Variants in EYS observed in about 807,000 individuals in gnomAD.
The protein encoded by EYS is EGF-like photoreceptor maintenance factor.
A neutral mutation model predicts 282.1 loss-of-function variants in EYS; 250 were observed. The observed-to-expected ratio is 0.89, with a 90% CI of 0.80 to 0.98. EYS has a LOEUF of 0.98. Among genes scored for constraint, EYS ranks in the 50% least tolerant of loss-of-function variants. The pLI is 0.00. For synonymous variants in EYS, 1,355 were observed against 1,282.9 expected (o/e 1.06, Z -1.20); for missense variants, 4,016 against 3,709.0 (o/e 1.08, Z -2.15).
chr6:63,821,555 A>G (rs1771326573), intron 36 of EYS: 1 of 152,234 alleles, frequency 6.6e-6, no homozygotes, highest in African/African-American at 2.4e-5. Context: ...ATTGACTGCA[A>G]TGAAGGAGAA....
At chr6:63,726,762 T>C (rs1582146242) in intron 41 of EYS, 82 bp from the exon 42 acceptor site, 6 of 1,227,918 alleles carry the variant, frequency 4.9e-6, no homozygotes, top group East Asian at 2.6e-5. Context: ...AAACTGCTTA[T>C]GTAATTTTGT....
At chr6:64,368,063 A>C (rs1772238551) in intron 29 of EYS, among the ~76,000 whole-genome samples, 1 of 152,058 alleles carries the variant, frequency 6.6e-6, no homozygotes, top group Non-Finnish European at 1.5e-5. Context: ...CGTAGTATCC[A>C]ATAGGTAGTT....
At chr6:64,418,332 A>G (rs1774125243) in intron 28 of EYS, among the ~76,000 whole-genome samples, 1 of 152,216 alleles carries the variant, frequency 6.6e-6, no homozygotes, top group African/African-American at 2.4e-5. Flanking sequence ...TCAGAGTAAT[A>G]CTTTGGAAAA....
chr6:65,027,038 A>G (rs1772441932), intron 13 of EYS, among the ~76,000 whole-genome samples: 1 of 148,774 alleles, frequency 6.7e-6, no homozygotes, highest in African/African-American at 2.5e-5. Context: ...TTTTTTTGAC[A>G]GTGAGAAGCT....
intron 12 of EYS, among the ~76,000 whole-genome samples, chr6:65,295,126 G>GA (rs1219925654): frequency 6.6e-6 from 1 of 151,776 alleles, no homozygotes; most frequent in Non-Finnish European, 1.5e-5. Context: ...TAATAAAATG[G>GA]AAAATCCAAC....
chr6:64,604,769 CTT>C (rs1178875722), intron 24 of EYS, among the ~76,000 whole-genome samples: 2 of 151,952 alleles, frequency 1.3e-5, no homozygotes, highest in Non-Finnish European at 2.9e-5. Context: ...CTGAATCTCA[CTT>C]TTGTTTCTAG....
At chr6:63,905,913 A>G (rs1042309893) in intron 35 of EYS, among the ~76,000 whole-genome samples, 3 of 152,168 alleles carry the variant, frequency 2.0e-5, no homozygotes, top group Admixed American at 6.5e-5. Flanking sequence ...ACTAAGCTGG[A>G]TAATTGAAAT....
chr6:64,855,178 ATG>A (rs1214932910), intron 19 of EYS, among the ~76,000 whole-genome samples: 3 of 151,074 alleles, frequency 2.0e-5, no homozygotes, highest in Non-Finnish European at 3.0e-5. Context: ...GTGTATCTGT[ATG>A]TGTGTGTGTG....
chr6:65,350,287 A>T (rs1256916176), intron 9 of EYS, among the ~76,000 whole-genome samples: 3 of 151,610 alleles, frequency 2.0e-5, no homozygotes, highest in Admixed American at 2.0e-4. Context: ...CTTTGTTGAT[A>T]CAGCATTTCC....
At chr6:65,258,989 T>C (rs185935297) in intron 12 of EYS, among the ~76,000 whole-genome samples, 56 of 151,984 alleles carry the variant, frequency 3.7e-4, no homozygotes, top group African/African-American at 1.3e-3. Flanking sequence ...GAAGAAAAAA[T>C]AAATAAACTT....
chr6:65,584,439 C>A (rs1222388582), intron 2 of EYS, among the ~76,000 whole-genome samples: 1 of 151,976 alleles, frequency 6.6e-6, no homozygotes, highest in Non-Finnish European at 1.5e-5. Context: ...GTTTCTATAT[C>A]TGGGATTTCA....
intron 33 of EYS, among the ~76,000 whole-genome samples, chr6:64,013,499 C>A (rs1768744177): frequency 6.6e-6 from 1 of 152,144 alleles, no homozygotes; most frequent in African/African-American, 2.4e-5. Context: ...TGATGAGTGT[C>A]AATGGGATGC....
At chr6:64,744,225 A>G (rs1046230199) in intron 22 of EYS, among the ~76,000 whole-genome samples, 1 of 152,170 alleles carries the variant, frequency 6.6e-6, no homozygotes, top group Non-Finnish European at 1.5e-5. Flanking sequence ...TAGTTGGTAA[A>G]GAAATCAGAA....
At chr6:64,065,497 G>A (rs1460636025) in intron 33 of EYS, among the ~76,000 whole-genome samples, 1 of 152,112 alleles carries the variant, frequency 6.6e-6, no homozygotes, top group Non-Finnish European at 1.5e-5. Flanking sequence ...CTTTTCTGAT[G>A]TTTTATAATT....
chr6:65,323,334 G>A (rs867907862), intron 11 of EYS, among the ~76,000 whole-genome samples: 2 of 146,080 alleles, frequency 1.4e-5, no homozygotes, highest in East Asian at 4.1e-4. Flanking sequence ...ATAAAAGCTG[G>A]CACATATTTA....
chr6:65,144,603 C>CA (rs562551216), intron 12 of EYS, among the ~76,000 whole-genome samples: 1 of 152,022 alleles, frequency 6.6e-6, no homozygotes, highest in Admixed American at 6.6e-5. Flanking sequence ...CAAACTTTTA[C>CA]AAAAAACTCT....
chr6:65,417,406 C>A (rs1032141552), intron 5 of EYS, among the ~76,000 whole-genome samples: 2 of 151,960 alleles, frequency 1.3e-5, no homozygotes, highest in Non-Finnish European at 2.9e-5. Flanking sequence ...ACTGACTTTG[C>A]TAAGTTTCTA....
At chr6:65,135,270 A>C (rs1273376721) in intron 12 of EYS, among the ~76,000 whole-genome samples, 1 of 152,096 alleles carries the variant, frequency 6.6e-6, no homozygotes, top group Non-Finnish European at 1.5e-5. Flanking sequence ...AGTCAGTTAC[A>C]TTCCCTATGT....
In EYS at chr6:64,486,703, A is replaced by G. The variant is rs529414775; in HGVS notation, c.5645-47351T>C. Among the ~76,000 whole-genome samples, 5 of 151,500 alleles carry G rather than the reference A, an allele frequency of 3.3e-5. No homozygotes were observed. In the South Asian group the frequency reaches 6.2e-4, roughly 19 times the overall value. ...CAATTCTGGAATAAACCAAAAGTCAACGTAGAATAATATAGAATCATGAAT... is the reference window on the plus strand; with the variant it reads ...CAATTCTGGAATAAACCAAAAGTCAGCGTAGAATAATATAGAATCATGAAT... On this transcript the variant is annotated intron_variant, in intron 26 of 42. Transcript: ENST00000503581.
Sources: gnomAD v4.1 joint callset for allele counts (sites outside exome capture counted in the v4.1 genomes callset) on GRCh38, gnomAD v4.1.1 for gene constraint, MANE v1.5 for transcripts, NCBI Gene and HGNC (gene_info 2026-07-23, HGNC 2026-07-21) for gene names.